Variants in MAN2B2 observed in about 807,000 individuals in gnomAD.
MAN2B2 encodes mannosidase alpha class 2B member 2, also known as epididymis-specific alpha-mannosidase.
A neutral mutation model predicts 117.1 loss-of-function variants in MAN2B2; 106 were observed. That is an observed-to-expected ratio of 0.90 (90% CI 0.77 to 1.06). The LOEUF (loss-of-function observed/expected upper bound fraction) is 1.06. MAN2B2 is among the 50% of genes least tolerant of loss of function. The pLI is 0.00. For missense variants in MAN2B2, 1,326 were observed against 1,381.4 expected (o/e 0.96, Z 0.64); for synonymous variants, 544 against 595.1 (o/e 0.91, Z 1.25).
At chr4:6,605,879 C>A (rs1727525652) in intron 11 of MAN2B2, among the ~76,000 whole-genome samples, 1 of 150,966 alleles carries the variant, frequency 6.6e-6, no homozygotes, top group Admixed American at 6.7e-5. Context: ...ATGTACCTAC[C>A]CATTCATCCA....
intron 17 of MAN2B2, 28 bp from the exon 18 acceptor site, chr4:6,619,899 C>T (rs780691713): frequency 6.3e-7 from 1 of 1,592,830 alleles, no homozygotes; most frequent in Middle Eastern, 1.7e-4. Context: ...TGGTGCAGCT[C>T]ACTCTCCCTC....
chr4:6,607,243 A>G (rs1314136499), intron 11 of MAN2B2, among the ~76,000 whole-genome samples: 1 of 152,114 alleles, frequency 6.6e-6, no homozygotes, highest in Non-Finnish European at 1.5e-5. Flanking sequence ...TCACTCTGTA[A>G]TCTAGGCTGG....
intron 6 of MAN2B2, among the ~76,000 whole-genome samples, chr4:6,593,756 C>T (rs1314213892): frequency 1.3e-5 from 2 of 152,266 alleles, no homozygotes; most frequent in Non-Finnish European, 2.9e-5. Flanking sequence ...TGGCCATCGT[C>T]ACAGCTAACC....
intron 15 of MAN2B2, among the ~76,000 whole-genome samples, chr4:6,612,874 G>A (rs1397703923): frequency 6.6e-6 from 1 of 152,228 alleles, no homozygotes; most frequent in African/African-American, 2.4e-5. Flanking sequence ...CATAACCAAG[G>A]GAAGGGCAGG....
chr4:6,587,023 T>G lies in MAN2B2; in HGVS notation c.419T>G (p.Phe140Cys). 1 of 1,613,982 alleles carries G rather than the reference T, an allele frequency of 6.2e-7. No individual in the cohort carries two copies. Among genetic ancestry groups the G allele is most frequent in the Non-Finnish European group, 8.5e-7 (1 of 1,179,974 alleles). ...TEGHGFLYET[F>C]GIRPQFSWHV... ...GGACACGGGTTTCTCTATGAAACAT[T>G]TGGGATCCGGCCACAGTTCTCCTGG... is the stretch of plus-strand genomic sequence containing the variant. Residue 140 changes from phenylalanine to cysteine, a missense_variant, in exon 4 of 19, where the codon TTT becomes TGT. Physicochemically the swap from Phe to Cys is radical, Grantham distance 205 (BLOSUM62 -2). Transcript: ENST00000285599.
At chr4:6,614,956 T>C (rs1271396272) in intron 16 of MAN2B2, among the ~76,000 whole-genome samples, 2 of 152,350 alleles carry the variant, frequency 1.3e-5, no homozygotes, top group African/African-American at 2.4e-5. Context: ...AGGCGACACC[T>C]GCTGGGAACT....
rs779616403 is a variant in MAN2B2, at chr4:6,611,152, G to A, written c.2437G>A (p.Asp813Asn). The A allele has an allele frequency of 4.3e-6, 7 of 1,613,814 alleles. No homozygotes were observed. Among genetic ancestry groups the A allele is most frequent in the Admixed American group, 1.7e-5 (1 of 59,992 alleles). Residue 813 changes from aspartate (D) to asparagine (N), a missense_variant, in exon 15 of 19, where the codon GAC becomes AAC. By Grantham distance (23) the Asp-to-Asn change is conservative. Coordinates refer to ENST00000285599, the MANE Select transcript of MAN2B2 (RefSeq NM_015274.3). ...CCTGGGCTACAACCTCACGCTGAAC[G>A]ACACCTCAGTCGTCCACCCAGTGCT... Reference protein sequence around the residue: ...WDLGYNLTLNDTSVVHPVLWL... With the variant: ...WDLGYNLTLNNTSVVHPVLWL...
chr4:6,605,413 G>T, intron 11 of MAN2B2, 84 bp downstream of exon 11: 2 of 1,475,246 alleles, frequency 1.4e-6, no homozygotes, highest in Non-Finnish European at 1.8e-6. Flanking sequence ...TTCTCCATTT[G>T]CTCACTTGCC....
At chr4:6,592,448 G>A (rs1189790522) in intron 5 of MAN2B2, among the ~76,000 whole-genome samples, 2 of 152,092 alleles carry the variant, frequency 1.3e-5, no homozygotes, top group East Asian at 1.9e-4. Flanking sequence ...GCAAGACCTC[G>A]TCTCTACATA....
chr4:6,593,407 G>C, intron 6 of MAN2B2, 57 bp downstream of exon 6: 1 of 1,526,090 alleles, frequency 6.6e-7, no homozygotes, highest in Non-Finnish European at 8.8e-7. Flanking sequence ...CACTATGCAA[G>C]CCCTGGTCCC....
intron 5 of MAN2B2, among the ~76,000 whole-genome samples, chr4:6,590,761 G>A (rs1159846364): frequency 6.6e-6 from 1 of 152,228 alleles, no homozygotes; most frequent in Non-Finnish European, 1.5e-5. Context: ...TCCTGACGTG[G>A]CCTGGCTTTG....
Position 6,580,933 on chromosome 4 carries a change from G to T in MAN2B2, c.391+2435G>T, listed in dbSNP as rs7674281. On this transcript the variant is annotated intron_variant, in intron 3 of 18. Transcript: ENST00000285599. ...GAAGCTGAGGCTGTGTCGCTCTGGG[G>T]CAGGAAGAGCCTCCAGAGACACAAG... Among the ~76,000 whole-genome samples the T allele has an allele frequency of 4.5e-3, 684 of 152,314 alleles. 8 individuals are homozygous for T. Among genetic ancestry groups the T allele is most frequent in the African/African-American group, 0.014 (582 of 41,564 alleles).
At chr4:6,620,494 TCTGGCCAGCAC>T in intron 18 of MAN2B2, 1 of 184,846 alleles carries the variant, frequency 5.4e-6, no homozygotes, top group Non-Finnish European at 1.2e-5. Context: ...TCCCATTCAC[TCTGGCCAGCAC>T]CTGCTCAAGC....
intron 3 of MAN2B2, among the ~76,000 whole-genome samples, chr4:6,578,820 A>G (rs1726168666): frequency 6.6e-6 from 1 of 152,058 alleles, no homozygotes; most frequent in African/African-American, 2.4e-5. Flanking sequence ...ACCTACCTCA[A>G]AGGGTTGTTG....
chr4:6,608,955 G>T, intron 11 of MAN2B2, 152 bp from the exon 12 acceptor site: 1 of 639,948 alleles, frequency 1.6e-6, no homozygotes, highest in South Asian at 2.0e-5. Flanking sequence ...CTGTGGGTGG[G>T]GTCTCAGGGC....
intron 10 of MAN2B2, among the ~76,000 whole-genome samples, chr4:6,604,657 A>G (rs1727465287): frequency 6.6e-6 from 1 of 151,986 alleles, no homozygotes; most frequent in South Asian, 2.1e-4. Flanking sequence ...AGCTGTTGAC[A>G]TCCACGTGGA....
intron 7 of MAN2B2, among the ~76,000 whole-genome samples, chr4:6,595,063 A>C (rs981839303): frequency 6.6e-6 from 1 of 152,192 alleles, no homozygotes; most frequent in African/African-American, 2.4e-5. Context: ...TGAGTTCCAC[A>C]TAAACCTCTT....
chr4:6,600,869 C>T (rs1727301270), intron 10 of MAN2B2, 113 bp downstream of exon 10: 2 of 1,320,314 alleles, frequency 1.5e-6, no homozygotes, highest in East Asian at 2.5e-5. Flanking sequence ...CTTTGTTTTA[C>T]AGAAGAGGAA....
At chr4:6,577,350 G>A (rs116358624) in intron 2 of MAN2B2, among the ~76,000 whole-genome samples, 202 of 152,304 alleles carry the variant, frequency 1.3e-3, no homozygotes, top group African/African-American at 4.6e-3. Flanking sequence ...CACCCAGGAC[G>A]ATACTCGGGG....
Sources: gnomAD v4.1 joint callset for allele counts (sites outside exome capture counted in the v4.1 genomes callset) on GRCh38, gnomAD v4.1.1 for gene constraint, MANE v1.5 for transcripts, NCBI Gene and HGNC (gene_info 2026-07-23, HGNC 2026-07-21) for gene names.